Variants in ECT2 observed in about 807,000 individuals in gnomAD.
The protein encoded by ECT2 is epithelial cell transforming 2.
A neutral mutation model predicts 116.9 loss-of-function variants in ECT2; 61 were observed. The ratio of observed to expected loss-of-function variants is 0.52; its 90% CI spans 0.42 to 0.65. The LOEUF (loss-of-function observed/expected upper bound fraction) is 0.65, where lower values mean the gene tolerates loss of function less well. Among genes scored for constraint, ECT2 ranks in the 30% least tolerant of loss-of-function variants. ECT2 has a pLI of 0.00. For synonymous variants in ECT2, 358 were observed against 346.4 expected (o/e 1.03, Z -0.37); for missense variants, 937 against 1,078.7 (o/e 0.87, Z 1.84).
At chr3:172,805,395 A>G (rs1272058599) in intron 20 of ECT2, among the ~76,000 whole-genome samples, 1 of 152,054 alleles carries the variant, frequency 6.6e-6, no homozygotes, top group African/African-American at 2.4e-5. Flanking sequence ...TCTTCTCCTG[A>G]ATTCTAGGAG....
At chr3:172,783,682 TA>T (rs1723113295) in intron 15 of ECT2, 116 bp from the exon 16 acceptor site, 1 of 659,620 alleles carries the variant, frequency 1.5e-6, no homozygotes, top group Non-Finnish European at 2.6e-6. Flanking sequence ...AAATTTACTT[TA>T]AACTTTTGCA....
chr3:172,773,041 A>G (rs1268915721), intron 13 of ECT2, among the ~76,000 whole-genome samples: 1 of 152,174 alleles, frequency 6.6e-6, no homozygotes, highest in Non-Finnish European at 1.5e-5. Context: ...GCCTTTCCAT[A>G]TAAATTTTTA....
intron 14 of ECT2, among the ~76,000 whole-genome samples, chr3:172,778,626 C>T (rs1462891025): frequency 1.6e-5 from 2 of 126,734 alleles, no homozygotes; most frequent in East Asian, 4.6e-4. Flanking sequence ...GATGGAGTCT[C>T]GCTCTGTCGC....
chr3:172,782,230 A>G lies in ECT2; in HGVS notation c.1616A>G (p.Tyr539Cys). ...AGCATTGGTGACATTTTTCTGAAAT[A>G]TGTAAGTATTGTATTTCTTTTTTAA... The part of the protein sequence containing the change: ...SKSIGDIFLK[Y>C]SKDLVKTYPP... The change falls in exon 15 of 25, where the codon TAT becomes TGT. Residue 539 changes from tyrosine to cysteine, a missense_variant and splice_region_variant. Coordinates refer to ENST00000392692, the MANE Select transcript of ECT2 (RefSeq NM_001258315.2). The G allele has an allele frequency of 1.3e-6, 2 of 1,533,990 alleles. No individual in the cohort carries two copies. Among genetic ancestry groups the G allele is most frequent in the Admixed American group, 1.8e-5 (1 of 56,342 alleles).
intron 18 of ECT2, among the ~76,000 whole-genome samples, chr3:172,791,771 AT>A (rs1433675083): frequency 1.1e-4 from 16 of 152,224 alleles, no homozygotes; most frequent in African/African-American, 3.9e-4. Flanking sequence ...TTTACTTATT[AT>A]TCATGTCACT....
Position 172,815,581 on chromosome 3 carries a change from CA to C in ECT2, c.2401-18del, listed in dbSNP as rs780780813. On this transcript the variant is annotated intron_variant, in intron 22 of 24. Transcript: ENST00000392692. ...AAACAGTTGTGTGTTTTTAAGATAACAAAAAGTATTATTTTTCAATAGGAGA... is the reference window on the plus strand; with the variant it reads ...AAACAGTTGTGTGTTTTTAAGATAACAAAAGTATTATTTTTCAATAGGAGA... 5 of 1,432,672 alleles carry C rather than the reference CA, an allele frequency of 3.5e-6. No homozygotes were observed. In the African/African-American group the frequency reaches 5.8e-5, roughly 17 times the overall value. The allele number at this position is 1,432,672 out of a possible 1,614,324, so 88.7% of individuals were successfully genotyped here.
intron 13 of ECT2, among the ~76,000 whole-genome samples, chr3:172,769,593 G>A (rs1035826754): frequency 1.3e-5 from 2 of 151,972 alleles, no homozygotes; most frequent in Non-Finnish European, 2.9e-5. Flanking sequence ...ATTTTTTTCA[G>A]TAATCATTTC....
chr3:172,772,142 AG>A (rs1265140778), intron 13 of ECT2, among the ~76,000 whole-genome samples: 1 of 152,080 alleles, frequency 6.6e-6, no homozygotes, highest in Non-Finnish European at 1.5e-5. Flanking sequence ...TTGGGACTAC[AG>A]GCATGTGCCA....
chr3:172,752,633 T>TA lies in ECT2; in HGVS notation c.-23+1777dup, dbSNP rs200818703. Among the ~76,000 whole-genome samples the TA allele has an allele frequency of 6.4e-3, 970 of 152,332 alleles. 9 individuals carry two copies. The highest frequency in any genetic ancestry group is 0.022 in the African/African-American group (894 of 41,580). ...ATCATTGATTCTAAATTAAGGCTGT[T>TA]ACAACTATTGGACCGCTCCTTTGGA... On this transcript the variant is annotated intron_variant, in intron 1 of 24. Transcript: ENST00000392692.
chr3:172,786,473 A>G lies in ECT2; in HGVS notation c.1826-20A>G. 1 of 1,550,896 alleles carries G rather than the reference A, an allele frequency of 6.4e-7. No homozygotes were observed. Among genetic ancestry groups the G allele is most frequent in the Non-Finnish European group, 8.8e-7 (1 of 1,135,156 alleles). ...ATCACTGAATTTTTTATGCATGGAA[A>G]AAACATTGTATTATTACAGATCTTA... On this transcript the variant is annotated intron_variant, in intron 17 of 24. Coordinates refer to ENST00000392692, the MANE Select transcript of ECT2 (RefSeq NM_001258315.2).
At chr3:172,786,616 C>T (rs763330219) in intron 18 of ECT2, 42 bp downstream of exon 18, 32 of 1,308,168 alleles carry the variant, frequency 2.4e-5, no homozygotes, top group Admixed American at 3.8e-5. Flanking sequence ...CCTTAGATTT[C>T]GAATGGAATT....
chr3:172,773,387 C>T (rs1416013283), intron 13 of ECT2, among the ~76,000 whole-genome samples: 1 of 151,942 alleles, frequency 6.6e-6, no homozygotes, highest in Non-Finnish European at 1.5e-5. Flanking sequence ...ATGGCCTTGC[C>T]AAACTCATTG....
intron 18 of ECT2, among the ~76,000 whole-genome samples, chr3:172,789,852 C>A (rs1026629826): frequency 4.6e-5 from 7 of 152,224 alleles, no homozygotes; most frequent in Non-Finnish European, 7.3e-5. Context: ...GTCTCCACTT[C>A]TAATTGTAGT....
rs553131835 is a variant in ECT2, at chr3:172,775,272, C to T, written c.1548+1250C>T. Among the ~76,000 whole-genome samples the T allele has an allele frequency of 5.9e-5, 9 of 152,244 alleles. No homozygotes were observed. The East Asian group carries it at 1.7e-3, about 29-fold the overall frequency. On this transcript the variant is annotated intron_variant, in intron 14 of 24. Coordinates refer to ENST00000392692, the MANE Select transcript of ECT2 (RefSeq NM_001258315.2). ...TTTATGTCACATTCCAGTAAAAGAA[C>T]CAATCGGAATTACAGGATGTTTTCA...
chr3:172,765,477 T>C (rs1719191531), intron 12 of ECT2, among the ~76,000 whole-genome samples: 1 of 152,208 alleles, frequency 6.6e-6, no homozygotes, highest in African/African-American at 2.4e-5. Context: ...TCCTTGTCCA[T>C]GTCTAATAGA....
chr3:172,788,610 A>G (rs1384637237), intron 18 of ECT2, among the ~76,000 whole-genome samples: 2 of 152,190 alleles, frequency 1.3e-5, no homozygotes, highest in African/African-American at 2.4e-5. Flanking sequence ...AAACCATGAC[A>G]GTAAAGGAAA....
In ECT2 at chr3:172,754,512, AT is replaced by A. The variant is rs1716567253; in HGVS notation, c.-16del. 6.3e-7 allele frequency: 1 copy of A among 1,577,176 alleles called. No homozygotes were observed. Among genetic ancestry groups the A allele is most frequent in the East Asian group, 2.3e-5 (1 of 44,108 alleles). Reference sequence around the variant, plus strand: ...TATTCAAATTTTATTTTTTCAGCTGATTTAGAAGAATACAAATCATGGCTGA... The same window carrying A: ...TATTCAAATTTTATTTTTTCAGCTGATTAGAAGAATACAAATCATGGCTGA... On this transcript the variant is annotated 5_prime_UTR_variant, in exon 2 of 25. Transcript: ENST00000392692.
rs1472239936 is a variant in ECT2, at chr3:172,757,075, C to T, written c.396C>T (p.Asp132=). Residue 132 remains aspartate, a synonymous_variant, in exon 5 of 25, where the codon GAC becomes GAT. Transcript: ENST00000392692. ...PEFENVFVVT[D]FQDSVFNDLY... ...TTGAAAATGTATTTGTAGTCACGGACTTTCAGGATTCTGTCTTTAATGACC... is the reference window on the plus strand; with the variant it reads ...TTGAAAATGTATTTGTAGTCACGGATTTTCAGGATTCTGTCTTTAATGACC... The T allele has an allele frequency of 1.2e-6, 2 of 1,610,554 alleles. No homozygotes were observed. Among genetic ancestry groups the T allele is most frequent in the Non-Finnish European group, 8.5e-7 (1 of 1,178,798 alleles).
chr3:172,819,538 G>T (rs1316110263), intron 24 of ECT2, among the ~76,000 whole-genome samples: 2 of 151,932 alleles, frequency 1.3e-5, no homozygotes, highest in Admixed American at 6.6e-5. Context: ...AGAGATGGGG[G>T]TCTTGCTAAG....
Sources: gnomAD v4.1 joint callset for allele counts (sites outside exome capture counted in the v4.1 genomes callset) on GRCh38, gnomAD v4.1.1 for gene constraint, MANE v1.5 for transcripts, NCBI Gene and HGNC (gene_info 2026-07-23, HGNC 2026-07-21) for gene names.